Variants in CYRIB observed in about 807,000 individuals in gnomAD.
CYRIB encodes CYFIP-related Rac1 interactor B.
In CYRIB, 8 loss-of-function variants were observed where a neutral mutation model predicts 44.2. The ratio of observed to expected loss-of-function variants is 0.18; its 90% CI spans 0.11 to 0.33. The LOEUF is 0.33. Ranked by LOEUF, CYRIB falls within the 10% of genes least tolerant of loss-of-function variation. CYRIB has a pLI of 1.00. For missense variants in CYRIB, 185 were observed against 382.8 expected (o/e 0.48, Z 4.31); for synonymous variants, 131 against 127.2 (o/e 1.03, Z -0.20).
intron 4 of CYRIB, among the ~76,000 whole-genome samples, chr8:129,867,284 T>C (rs2054187912): frequency 1.4e-5 from 2 of 147,632 alleles, no homozygotes; most frequent in Non-Finnish European, 3.0e-5. Context: ...CCACCACACC[T>C]GGCTTTTTTT....
upstream of CYRIB, among the ~76,000 whole-genome samples, chr8:129,941,705 T>C (rs1272794054): frequency 6.6e-6 from 1 of 152,194 alleles, no homozygotes; most frequent in Non-Finnish European, 1.5e-5. Flanking sequence ...GTCCTCAATG[T>C]GAACAGGAGG....
At chr8:129,976,403 T>C (rs1200256291) in intron 1 of CYRIB, among the ~76,000 whole-genome samples, 1 of 152,250 alleles carries the variant, frequency 6.6e-6, no homozygotes, top group Non-Finnish European at 1.5e-5. Flanking sequence ...TGACCGTTTT[T>C]CTAAACTAGA....
intron 1 of CYRIB, among the ~76,000 whole-genome samples, chr8:129,981,482 G>A (rs907208313): frequency 2.0e-5 from 3 of 152,304 alleles, no homozygotes; most frequent in East Asian, 3.9e-4. Context: ...TGGAGACATG[G>A]ACAGGAGCTC....
At chr8:129,932,138 ACAGGTGCTCAC>A (rs2091675563) in intron 1 of CYRIB, among the ~76,000 whole-genome samples, 1 of 151,510 alleles carries the variant, frequency 6.6e-6, no homozygotes, top group Non-Finnish European at 1.5e-5. Context: ...AGCTGGGATT[ACAGGTGCTCAC>A]CACTTCGCCC....
At chr8:129,923,064 A>T (rs1442102167) in intron 1 of CYRIB, among the ~76,000 whole-genome samples, 21 of 140,972 alleles carry the variant, frequency 1.5e-4, no homozygotes, top group Admixed American at 9.2e-4. Context: ...CCCCGTCTCT[A>T]CTAAAAAAAA....
intron 2 of CYRIB, chr8:129,880,354 G>A (rs2133933876): frequency 1.0e-5 from 10 of 983,112 alleles, no homozygotes; most frequent in Non-Finnish European, 1.1e-5. Context: ...TGCACCAGCT[G>A]TGAAGGGCTA....
rs1314421151 is a variant in CYRIB at position 129,964,757 on chromosome 8, G to T, written c.-243+6186C>A. 4.6e-5 allele frequency among the ~76,000 whole-genome samples: 7 copies of T among 152,210 alleles called. No individual in the cohort carries two copies. In the East Asian group the frequency reaches 1.3e-3, roughly 29 times the overall value. ...AAGTGAGCCAGGCGTGGTGGCACAT[G>T]CCTGTAGTCCCAGCTACTCAGGAGG... On this transcript the variant is annotated intron_variant, in intron 2 of 14. Transcript: ENST00000401979.
intron 2 of CYRIB, among the ~76,000 whole-genome samples, chr8:129,963,693 C>CA (rs1235663931): frequency 6.6e-6 from 1 of 152,192 alleles, no homozygotes; most frequent in Non-Finnish European, 1.5e-5. Flanking sequence ...TCCCACGTTG[C>CA]ACAGAAGGGC....
In CYRIB at chr8:129,921,227, GCTT is replaced by G. The variant is rs1171990687; in HGVS notation, c.-49-17880_-49-17878del. Among the ~76,000 whole-genome samples the G allele has an allele frequency of 2.0e-5, 3 of 152,128 alleles. No individual in the cohort carries two copies. In the East Asian group the frequency reaches 5.8e-4, roughly 29 times the overall value. ...TCCATATTGGAGAATGACTGTTAAT[GCTT>G]CTTTTCAGAATTTGAGATTCATAAC... On this transcript the variant is annotated intron_variant, in intron 1 of 11. Coordinates refer to ENST00000519824, the Ensembl canonical transcript of CYRIB.
chr8:129,859,252 C>T (rs1232911305), intron 5 of CYRIB, among the ~76,000 whole-genome samples: 1 of 152,160 alleles, frequency 6.6e-6, no homozygotes, highest in African/African-American at 2.4e-5. Flanking sequence ...ATTATTTCTG[C>T]TTATCAGGGA....
At chr8:129,905,320 C>T (rs760183068) in intron 1 of CYRIB, among the ~76,000 whole-genome samples, 8 of 152,084 alleles carry the variant, frequency 5.3e-5, no homozygotes, top group African/African-American at 1.7e-4. Context: ...CAGGTTCACG[C>T]GATTTTCCTG....
At chr8:129,943,181 T>C (rs1397502888), upstream of CYRIB, among the ~76,000 whole-genome samples, 1 of 149,764 alleles carries the variant, frequency 6.7e-6, no homozygotes, top group African/African-American at 2.5e-5. Flanking sequence ...GGCTGAGAGT[T>C]TAGTGAAAGG....
intron 2 of CYRIB, among the ~76,000 whole-genome samples, chr8:129,965,828 C>G (rs141655742): frequency 1.3e-5 from 2 of 151,342 alleles, no homozygotes; most frequent in African/African-American, 4.9e-5. Flanking sequence ...TCAATCAATT[C>G]GCTACTTTTT....
intron 2 of CYRIB, among the ~76,000 whole-genome samples, chr8:129,889,827 T>G (rs2064379108): frequency 6.6e-6 from 1 of 151,986 alleles, no homozygotes; most frequent in African/African-American, 2.4e-5. Flanking sequence ...GAGACAGAGT[T>G]TCCACCTTGT....
chr8:129,874,235 A>G (rs376296676), intron 3 of CYRIB, among the ~76,000 whole-genome samples: 30 of 152,196 alleles, frequency 2.0e-4, no homozygotes, highest in Admixed American at 3.3e-4. Context: ...GAGGGTAGAC[A>G]TATTCATTAC....
At chr8:129,854,157 C>A in intron 7 of CYRIB, 109 bp downstream of exon 9, 3 of 878,254 alleles carry the variant, frequency 3.4e-6, no homozygotes, top group Non-Finnish European at 5.5e-6. Context: ...TAATTACTAA[C>A]TTTATTACTA....
intron 4 of CYRIB, among the ~76,000 whole-genome samples, chr8:129,868,075 T>C (rs1321195034): frequency 6.6e-6 from 1 of 152,212 alleles, no homozygotes; most frequent in Non-Finnish European, 1.5e-5. Context: ...CTGCTCTAAG[T>C]CTTATTAATT....
At chr8:129,886,001 T>C (rs945535834) in intron 2 of CYRIB, among the ~76,000 whole-genome samples, 5 of 152,230 alleles carry the variant, frequency 3.3e-5, no homozygotes, top group Non-Finnish European at 5.9e-5. Context: ...CCTCTGTACC[T>C]GTTTTCCTGA....
chr8:129,958,182 C>T (rs1017575254), intron 2 of CYRIB, among the ~76,000 whole-genome samples: 1 of 151,960 alleles, frequency 6.6e-6, no homozygotes, highest in African/African-American at 2.4e-5. Context: ...TAATTTCTCC[C>T]TGGATAAAAT....
Sources: allele counts gnomAD v4.1 joint callset (sites outside exome capture counted in the v4.1 genomes callset), GRCh38; gene constraint gnomAD v4.1.1; transcripts MANE v1.5; gene names NCBI Gene and HGNC (gene_info 2026-07-23, HGNC 2026-07-21).